DACH1: variants seen among roughly 807,000 people sequenced by gnomAD.
DACH1 encodes the protein dachshund homolog 1.
Under a neutral mutation model 54.2 loss-of-function variants are expected in DACH1, and 12 were observed. The ratio of observed to expected loss-of-function variants is 0.22; its 90% confidence interval spans 0.14 to 0.36. DACH1 has a LOEUF of 0.36. DACH1 is among the 10% of genes least tolerant of loss of function. DACH1 has a pLI of 1.00. For missense variants in DACH1, 805 were observed against 929.8 expected, an observed-to-expected ratio of 0.87 and a Z score of 1.75; for synonymous variants, 386 against 366.2, an observed-to-expected ratio of 1.05 and a Z score of -0.62.
chr13:71,642,557 T>C lies in DACH1; in HGVS notation c.965-11840A>G, dbSNP rs181194022. Among the ~76,000 whole-genome samples the C allele has an allele frequency of 3.2e-3, 480 of 152,306 alleles. 3 individuals are homozygous for C. Among genetic ancestry groups the C allele is most frequent in the Non-Finnish European group, 5.1e-3 (345 of 68,008 alleles). On this transcript the variant is annotated intron_variant, in intron 2 of 10. Coordinates refer to ENST00000613252, the MANE Select transcript of DACH1 (RefSeq NM_080759.6). ...AAATGTTCAAAAGAACATAGAAAAATAGAAATATCTGAACATTTCACATCT... is the reference window on the plus strand; with the variant it reads ...AAATGTTCAAAAGAACATAGAAAAACAGAAATATCTGAACATTTCACATCT...
intron 10 of DACH1, among the ~76,000 whole-genome samples, chr13:71,473,347 G>A (rs867959220): frequency 7.4e-4 from 112 of 152,258 alleles, no homozygotes; most frequent in African/African-American, 2.3e-3. Flanking sequence ...AGTTGTTGGT[G>A]CATAGGTTTA....
intron 6 of DACH1, among the ~76,000 whole-genome samples, chr13:71,506,291 C>T (rs1393994206): frequency 1.6e-5 from 2 of 121,728 alleles, no homozygotes; most frequent in East Asian, 2.9e-4. Context: ...CCCCCCTCCC[C>T]CCGCCCCACA....
intron 7 of DACH1, among the ~76,000 whole-genome samples, chr13:71,486,602 T>C (rs947517118): frequency 2.0e-5 from 3 of 152,114 alleles, no homozygotes; most frequent in African/African-American, 7.2e-5. Context: ...TGTGTGTGTA[T>C]ATATATATTT....
intron 2 of DACH1, among the ~76,000 whole-genome samples, chr13:71,670,969 T>A (rs1880173041): frequency 6.6e-6 from 1 of 152,058 alleles, no homozygotes; most frequent in Non-Finnish European, 1.5e-5. Context: ...GGCGATTGGC[T>A]TCTCTCTTGG....
chr13:71,568,645 C>T (rs557690216), intron 4 of DACH1, among the ~76,000 whole-genome samples: 49 of 152,106 alleles, frequency 3.2e-4, no homozygotes, highest in African/African-American at 1.2e-3. Flanking sequence ...ATACTTCTCA[C>T]TCTTAAATCT....
chr13:71,755,411 A>T (rs303969), intron 1 of DACH1, among the ~76,000 whole-genome samples: 2 of 152,068 alleles, frequency 1.3e-5, no homozygotes, highest in African/African-American at 4.8e-5. Flanking sequence ...TCAGTGGGCC[A>T]GACGAAACTG....
At chr13:71,763,145 T>C (rs1175691073) in intron 1 of DACH1, among the ~76,000 whole-genome samples, 5 of 152,238 alleles carry the variant, frequency 3.3e-5, no homozygotes, top group African/African-American at 9.6e-5. Flanking sequence ...CATTTTAACA[T>C]ATATTAACTC....
At chr13:71,504,242 T>G (rs1298961130) in intron 6 of DACH1, among the ~76,000 whole-genome samples, 1 of 152,160 alleles carries the variant, frequency 6.6e-6, no homozygotes, top group Non-Finnish European at 1.5e-5. Context: ...ATCTTGGTTG[T>G]TTTACTTTAA....
At position 71,737,231 on chromosome 13, in the gene DACH1, G is replaced by GA. The variant is rs113515260; in HGVS notation, c.849-55322dup. On this transcript the variant is annotated intron_variant, in intron 1 of 10. Transcript: ENST00000613252. ...GAACAAGACTCCGTCTCAAAAAAAA[G>GA]AAAAAAAAAGTTGAAGGGAAAAAGC... 6.6e-5 allele frequency among the ~76,000 whole-genome samples: 10 copies of GA among 150,736 alleles called. 1 individual carries two copies. Among genetic ancestry groups the GA allele is most frequent in the Middle Eastern group, 6.8e-3 (2 of 294 alleles).
rs576092146 is a variant in DACH1, at chr13:71,488,935, A to G, written c.1722+62T>C. ...TAAGTAGGAACAGTATAAATTTTGG[A>G]AAAAAAAAATCTACAACAGGGTGTT... On this transcript the variant is annotated intron_variant, in intron 7 of 10. Transcript: ENST00000613252. 8.7e-4 allele frequency: 1,168 copies of G among 1,346,886 alleles called. 11 individuals carry two copies. The South Asian group carries it at 0.016, about 19-fold the overall frequency. The allele number at this position is 1,346,886 out of a possible 1,614,324, so 83.4% of individuals were successfully genotyped here. A position where few individuals can be genotyped will look rare whatever the true frequency, so the allele number is the denominator to read the frequency against.
chr13:71,690,367 A>G (rs963158045), intron 1 of DACH1, among the ~76,000 whole-genome samples: 1 of 152,198 alleles, frequency 6.6e-6, no homozygotes. Context: ...CTAGAAAGCT[A>G]AATATTTTTA....
intron 3 of DACH1, among the ~76,000 whole-genome samples, chr13:71,595,423 A>G (rs1874026138): frequency 6.6e-6 from 1 of 152,156 alleles, no homozygotes; most frequent in Admixed American, 6.5e-5. Context: ...TACTCTGGCT[A>G]CCATCAAAAA....
At chr13:71,573,645 GT>G (rs200252270) in intron 3 of DACH1, 15 of 433,780 alleles carry the variant, frequency 3.5e-5, no homozygotes, top group African/African-American at 2.3e-4. Flanking sequence ...CTTAAAATGA[GT>G]TTTTTAAAAA....
intron 3 of DACH1, among the ~76,000 whole-genome samples, chr13:71,619,658 T>A (rs762251253): frequency 2.6e-5 from 4 of 151,906 alleles, no homozygotes; most frequent in Non-Finnish European, 5.9e-5. Context: ...CAAAAATGAA[T>A]ATATTCAGTA....
chr13:71,704,379 C>T, intron 1 of DACH1: 2 of 426,358 alleles, frequency 4.7e-6, no homozygotes, highest in Middle Eastern at 3.8e-4. Context: ...TACCATGTTC[C>T]CCAGCATGCT....
chr13:71,460,525 T>C (rs1875981180), intron 10 of DACH1, among the ~76,000 whole-genome samples: 2 of 152,006 alleles, frequency 1.3e-5, no homozygotes, highest in African/African-American at 4.8e-5. Context: ...GGGTGGATGA[T>C]TGGGTGGTGT....
chr13:71,851,887 T>C (rs1873691063), intron 1 of DACH1, among the ~76,000 whole-genome samples: 1 of 152,168 alleles, frequency 6.6e-6, no homozygotes, highest in African/African-American at 2.4e-5. Flanking sequence ...AAAATTGTCT[T>C]GTGTATTTTC....
At chr13:71,463,300 A>G (rs1172702651) in intron 10 of DACH1, among the ~76,000 whole-genome samples, 1 of 152,036 alleles carries the variant, frequency 6.6e-6, no homozygotes, top group African/African-American at 2.4e-5. Flanking sequence ...TATTTTAGAG[A>G]AAACGTCTTG....
At position 71,629,069 on chromosome 13, in the gene DACH1, G is replaced by A. The variant is rs113251844; in HGVS notation, c.1126+1487C>T. 9.5e-3 allele frequency among the ~76,000 whole-genome samples: 1,438 copies of A among 152,110 alleles called. 25 individuals carry two copies. The highest frequency in any genetic ancestry group is 0.032 in the African/African-American group (1,331 of 41,494). On this transcript the variant is annotated intron_variant, in intron 3 of 10. Coordinates refer to ENST00000613252, the MANE Select transcript of DACH1 (RefSeq NM_080759.6). The stretch of plus-strand genomic sequence containing the variant: ...CTTGTTTTAAAAAGTGTCCAACAGT[G>A]CCCCATTTTCTCAGTCTAATAAAAG...
Sources: allele counts gnomAD v4.1 joint callset (sites outside exome capture counted in the v4.1 genomes callset), GRCh38; gene constraint gnomAD v4.1.1; transcripts MANE v1.5; gene names NCBI Gene and HGNC (gene_info 2026-07-23, HGNC 2026-07-21).